The following ANK2 variants were observed in gnomAD, a reference collection of about 807,000 sequenced individuals.
ANK2 encodes the protein ankyrin-2.
ANK2 carries 83 observed loss-of-function variants against 360.5 expected under a neutral mutation model. That is an observed-to-expected ratio of 0.23 (90% CI 0.19 to 0.28). The LOEUF (loss-of-function observed/expected upper bound fraction) is 0.28. Ranked by LOEUF, ANK2 falls within the 10% of genes least tolerant of loss-of-function variation. ANK2 has a pLI of 1.00. For synonymous variants in ANK2, 1,740 were observed against 1,759.5 expected (o/e 0.99, Z 0.28); for missense variants, 4,201 against 4,795.7 (o/e 0.88, Z 3.66).
intron 5 of ANK2, among the ~76,000 whole-genome samples, chr4:113,236,194 C>T (rs1451324970): frequency 2.6e-5 from 4 of 151,162 alleles, no homozygotes; most frequent in African/African-American, 7.3e-5. Context: ...TTTTAATGTA[C>T]TTGTCACCTT....
At chr4:112,878,881 C>G (rs2075949687) in intron 1 of ANK2, among the ~76,000 whole-genome samples, 1 of 152,102 alleles carries the variant, frequency 6.6e-6, no homozygotes, top group South Asian at 2.1e-4. Context: ...CCTCAGCCTC[C>G]CAAAATGCTG....
At chr4:112,970,511 T>C (rs1004382170) in intron 2 of ANK2, among the ~76,000 whole-genome samples, 2 of 152,132 alleles carry the variant, frequency 1.3e-5, no homozygotes, top group Non-Finnish European at 2.9e-5. Context: ...TGCACCACCA[T>C]GCCCAGCTAA....
rs73840994 is a variant in ANK2, at chr4:113,014,738, T to C, written c.21+110224T>C. Among the ~76,000 whole-genome samples, 1,031 of 151,764 alleles carry C rather than the reference T, an allele frequency of 6.8e-3. 12 individuals are homozygous for C. Among genetic ancestry groups the C allele is most frequent in the African/African-American group, 0.023 (966 of 41,428 alleles). On this transcript the variant is annotated intron_variant, in intron 2 of 30. Transcript: ENST00000503271. ...TGTAAAGATAGTGAGAAAGTGTATA[T>C]AAAGCATTTAGTACTGTTTCAGTCA...
At chr4:112,837,653 C>A (rs75248525) in intron 1 of ANK2, among the ~76,000 whole-genome samples, 19,713 of 152,216 alleles carry the variant, frequency 0.13, 2,044 homozygotes, top group East Asian at 0.5. Context: ...GGAAGCCCAC[C>A]CCTTGCATCA....
intron 1 of ANK2, among the ~76,000 whole-genome samples, chr4:112,834,816 T>A (rs1384064177): frequency 2.6e-5 from 4 of 152,216 alleles, no homozygotes; most frequent in East Asian, 1.9e-4. Context: ...TCAGATATTT[T>A]AAAAAATCAG....
At chr4:112,785,534 A>C in the ANK2 span, among the ~76,000 whole-genome samples, 3 of 151,366 alleles carry the variant, frequency 2.0e-5, no homozygotes, top group African/African-American at 7.3e-5. Flanking sequence ...CACCACACCC[A>C]GCTAATTTCT....
intron 1 of ANK2, among the ~76,000 whole-genome samples, chr4:112,831,136 G>GC (rs2059627090): frequency 6.6e-6 from 1 of 152,216 alleles, no homozygotes; most frequent in South Asian, 2.1e-4. Flanking sequence ...AATGGGTGCT[G>GC]CCCCCTACTC....
chr4:112,822,248 A>AC (rs1454197409), intron 1 of ANK2, among the ~76,000 whole-genome samples: 5 of 149,204 alleles, frequency 3.4e-5, no homozygotes, highest in Non-Finnish European at 7.4e-5. Context: ...TAAAAAAAAA[A>AC]AAAAAAAAAA....
rs533599959 is a variant in ANK2 at position 113,332,608 on chromosome 4, G to A, written c.3225-446G>A. On this transcript the variant is annotated intron_variant, in intron 28 of 45. Coordinates refer to ENST00000357077, the MANE Select transcript of ANK2 (RefSeq NM_001148.6). ...GAGTGCATGGCTCTTTAGTTCACAA[G>A]TAGTCAACTTTCTGACATCTCCTCA... Among the ~76,000 whole-genome samples the A allele has an allele frequency of 1.1e-4, 17 of 152,288 alleles. No individual in the cohort carries two copies. The South Asian group carries it at 2.5e-3, about 22-fold the overall frequency.
chr4:112,898,811 A>AT (rs1460338028), intron 1 of ANK2, among the ~76,000 whole-genome samples: 2 of 152,154 alleles, frequency 1.3e-5, no homozygotes, highest in African/African-American at 2.4e-5. Context: ...AAGAGAAAGA[A>AT]TTTTTTTGTA....
intron 2 of ANK2, among the ~76,000 whole-genome samples, chr4:113,180,247 C>T (rs997474229): frequency 2.6e-5 from 4 of 152,194 alleles, no homozygotes; most frequent in Non-Finnish European, 4.4e-5. Context: ...TAGTTTTCCC[C>T]ACTTACCAGC....
chr4:112,902,019 A>G (rs901994977), intron 1 of ANK2, among the ~76,000 whole-genome samples: 4 of 152,214 alleles, frequency 2.6e-5, no homozygotes, highest in African/African-American at 9.7e-5. Context: ...TAAGCACAAG[A>G]CACTGCATCA....
chr4:113,285,199 C>T lies in ANK2; in HGVS notation c.2079+2327C>T, dbSNP rs149323896. On this transcript the variant is annotated intron_variant, in intron 18 of 45. Transcript: ENST00000357077. The stretch of plus-strand genomic sequence containing the variant: ...TGTTTTTCCTCTATTCTCACACCTA[C>T]CACACAACAATCATCAACACAGAAG... Among the ~76,000 whole-genome samples, 30 of 151,900 alleles carry T rather than the reference C, an allele frequency of 2.0e-4. No individual in the cohort carries two copies. In the East Asian group the frequency reaches 5.8e-3, roughly 29 times the overall value.
At chr4:112,926,948 G>A (rs543448431) in intron 2 of ANK2, among the ~76,000 whole-genome samples, 1 of 152,276 alleles carries the variant, frequency 6.6e-6, no homozygotes, top group Non-Finnish European at 1.5e-5. Context: ...CTGGGGAGGT[G>A]TCAGAAAACT....
the ANK2 span, among the ~76,000 whole-genome samples, chr4:112,768,103 T>C: frequency 6.6e-6 from 1 of 152,214 alleles, no homozygotes; most frequent in Non-Finnish European, 1.5e-5. Flanking sequence ...GGAAAGGTCA[T>C]GTGGGCATGA....
At chr4:113,052,952 G>A in intron 1 of ANK2, among the ~76,000 whole-genome samples, 1 of 152,178 alleles carries the variant, frequency 6.6e-6, no homozygotes, top group South Asian at 2.1e-4. Context: ...CAGGAGAACA[G>A]GCTAGAGCGT....
chr4:112,964,045 A>T (rs1301200891), intron 2 of ANK2, among the ~76,000 whole-genome samples: 2 of 150,402 alleles, frequency 1.3e-5, no homozygotes, highest in Non-Finnish European at 3.0e-5. Flanking sequence ...AATTTTTACC[A>T]CCCTATTATT....
At chr4:112,809,380 T>C in the ANK2 span, among the ~76,000 whole-genome samples, 1 of 149,430 alleles carries the variant, frequency 6.7e-6, no homozygotes, top group Non-Finnish European at 1.5e-5. Flanking sequence ...GCTAACACGG[T>C]GAAACCCCGT....
At chr4:113,019,353 C>T (rs1341221971) in intron 2 of ANK2, among the ~76,000 whole-genome samples, 1 of 152,138 alleles carries the variant, frequency 6.6e-6, no homozygotes, top group Non-Finnish European at 1.5e-5. Flanking sequence ...TAGGCATATA[C>T]AAGTCAGTTC....
Sources: allele counts gnomAD v4.1 joint callset (sites outside exome capture counted in the v4.1 genomes callset), GRCh38; gene constraint gnomAD v4.1.1; transcripts MANE v1.5; gene names NCBI Gene and HGNC (gene_info 2026-07-23, HGNC 2026-07-21).